OLAH: variants seen among roughly 807,000 people sequenced by gnomAD.
OLAH encodes the protein S-acyl fatty acid synthase thioesterase, medium chain.
A neutral mutation model predicts 27.8 loss-of-function variants in OLAH; 33 were observed. The observed-to-expected ratio is 1.19, with a 90% CI of 0.90 to 1.59. The LOEUF is 1.59. Among genes scored for constraint, OLAH ranks in the 40% most tolerant of loss-of-function variants. OLAH has a pLI of 0.00. For missense variants in OLAH, 359 were observed against 310.8 expected (o/e 1.16, Z -1.17); for synonymous variants, 120 against 102.9 (o/e 1.17, Z -1.01).
intron 3 of OLAH, among the ~76,000 whole-genome samples, chr10:15,055,016 G>C (rs1027478365): frequency 3.9e-5 from 6 of 152,008 alleles, no homozygotes; most frequent in Non-Finnish European, 8.8e-5. Context: ...CCAGGCTAGA[G>C]TGCAGTGGTG....
rs1167584412 is a variant in OLAH, at chr10:15,047,158, T to TA, written c.-126dup. ...AGAGGTCAATAAGAGTCAGCGCCTT[T>TA]AAAAAGAAATCTACTCACTCTTCTG... On this transcript the variant is annotated 5_prime_UTR_variant, in exon 2 of 8. Coordinates refer to ENST00000378228, the MANE Select transcript of OLAH (RefSeq NM_001039702.3). 2 of 796,922 alleles carry TA rather than the reference T, an allele frequency of 2.5e-6. No individual in the cohort carries two copies. Among genetic ancestry groups the TA allele is most frequent in the Non-Finnish European group, 3.9e-6 (2 of 516,172 alleles). The allele number at this position is 796,922 out of a possible 1,614,324, so 49.4% of individuals were successfully genotyped here. A position where few individuals can be genotyped will look rare whatever the true frequency, so the allele number is the denominator to read the frequency against.
intron 4 of OLAH, 125 bp downstream of exon 4, chr10:15,061,987 T>G: frequency 2.4e-6 from 2 of 838,932 alleles, no homozygotes; most frequent in South Asian, 5.6e-5. Flanking sequence ...TGTTAGGTAA[T>G]TATGGCCATC....
At chr10:15,048,654 C>T (rs1317802276) in intron 2 of OLAH, among the ~76,000 whole-genome samples, 1 of 152,142 alleles carries the variant, frequency 6.6e-6, no homozygotes, top group Non-Finnish European at 1.5e-5. Flanking sequence ...TGCCCATGAA[C>T]GGTTTGGATA....
At chr10:15,036,585 C>G (rs896434248) in intron 1 of OLAH, among the ~76,000 whole-genome samples, 15 of 152,116 alleles carry the variant, frequency 9.9e-5, no homozygotes, top group Non-Finnish European at 1.5e-4. Context: ...AACTCCTGGG[C>G]TCAAGACATC....
At chr10:15,037,107 C>T (rs922000593) in intron 1 of OLAH, among the ~76,000 whole-genome samples, 4 of 150,710 alleles carry the variant, frequency 2.7e-5, no homozygotes, top group Non-Finnish European at 4.4e-5. Context: ...AACAAACAAA[C>T]AAACAGTCTT....
chr10:15,055,787 G>A (rs1844233786), intron 3 of OLAH, among the ~76,000 whole-genome samples: 1 of 151,824 alleles, frequency 6.6e-6, no homozygotes, highest in Non-Finnish European at 1.5e-5. Flanking sequence ...CTCCATTTAT[G>A]GCCTCCTCAA....
upstream of OLAH, among the ~76,000 whole-genome samples, chr10:15,039,705 A>AT (rs1843892778): frequency 6.6e-6 from 1 of 152,202 alleles, no homozygotes; most frequent in Non-Finnish European, 1.5e-5. Context: ...GCCTGTCTGT[A>AT]TTTTAGCTAA....
upstream of OLAH, among the ~76,000 whole-genome samples, chr10:15,041,139 C>T (rs180824049): frequency 5.9e-5 from 9 of 152,300 alleles, no homozygotes; most frequent in African/African-American, 2.2e-4. Flanking sequence ...TGTGCTTTTC[C>T]CACAGGCAAA....
chr10:15,043,866 T>C (rs1843965341), upstream of OLAH: 1 of 152,230 alleles, frequency 6.6e-6, no homozygotes, highest in South Asian at 2.1e-4. Flanking sequence ...CTTTGTTGTT[T>C]TCATTGTTCT....
chr10:15,036,231 CTCATGCCTGTAATCCTAGCACT>C (rs1843838699), intron 1 of OLAH, among the ~76,000 whole-genome samples: 2 of 152,108 alleles, frequency 1.3e-5, no homozygotes, highest in African/African-American at 2.4e-5. Flanking sequence ...GGCGTGGTGA[CTCATGCCTGTAATCCTAGCACT>C]TTGGGATTCC....
intron 6 of OLAH, among the ~76,000 whole-genome samples, chr10:15,068,257 ATAAAT>A (rs1461440011): frequency 6.6e-6 from 1 of 152,166 alleles, no homozygotes; most frequent in Non-Finnish European, 1.5e-5. Context: ...AAATCTGTTG[ATAAAT>A]TAATCCTATG....
At chr10:15,064,282 C>G (rs7075914) in intron 4 of OLAH, 121 bp from the exon 5 acceptor site, 75,564 of 624,334 alleles carry the variant, frequency 0.12, 5,514 homozygotes, top group East Asian at 0.27. Context: ...TCAACTCACA[C>G]TTTCCTTTCA....
intron 1 of OLAH, among the ~76,000 whole-genome samples, chr10:15,032,731 T>A (rs1019988370): frequency 1.3e-5 from 2 of 151,670 alleles, no homozygotes; most frequent in African/African-American, 4.8e-5. Context: ...GGCCAGGAGG[T>A]GATTTCCGAA....
chr10:15,041,876 C>T (rs201850089), upstream of OLAH, among the ~76,000 whole-genome samples: 182 of 152,116 alleles, frequency 1.2e-3, 4 homozygotes, highest in East Asian at 0.029. Flanking sequence ...CGCAACTGGC[C>T]CACACCTTTG....
At position 15,065,705 on chromosome 10, in the gene OLAH, A is replaced by G. The variant is rs1284606559; in HGVS notation, c.524A>G (p.Gln175Arg). 1 of 1,614,152 alleles carries G rather than the reference A, an allele frequency of 6.2e-7. No homozygotes were observed. Among genetic ancestry groups the G allele is most frequent in the East Asian group, 2.2e-5 (1 of 44,888 alleles). The change falls in exon 6 of 8, where the codon CAA becomes CGA. Residue 175 changes from glutamine to arginine, a missense_variant. Gln to Arg is a conservative substitution (Grantham distance 43, BLOSUM62 1). Coordinates refer to ENST00000378228, the MANE Select transcript of OLAH (RefSeq NM_001039702.3). ...HFAEAKEFVK[Q>R]CSPIIRADLN... ...GCTGAAGCCAAGGAATTTGTGAAAC[A>G]ATGTAGTCCCATCATAAGGGCAGAT... is the stretch of plus-strand genomic sequence containing the variant.
At chr10:15,049,108 T>TG (rs1470401141) in intron 2 of OLAH, among the ~76,000 whole-genome samples, 1 of 142,102 alleles carries the variant, frequency 7.0e-6, no homozygotes, top group Admixed American at 7.1e-5. Context: ...GTCTTTTTTT[T>TG]TTTTTTTTTT....
At chr10:15,040,972 T>C (rs1843910004), upstream of OLAH, among the ~76,000 whole-genome samples, 1 of 152,204 alleles carries the variant, frequency 6.6e-6, no homozygotes, top group Admixed American at 6.5e-5. Context: ...ACTCATCTGA[T>C]CAGTTTACCT....
At chr10:15,038,133 G>A (rs1843870073) in intron 1 of OLAH, among the ~76,000 whole-genome samples, 1 of 152,192 alleles carries the variant, frequency 6.6e-6, no homozygotes, top group Non-Finnish European at 1.5e-5. Context: ...ACTGGCATGG[G>A]GCCTGTAGCC....
chr10:15,049,011 G>A (rs1007328719), intron 2 of OLAH, among the ~76,000 whole-genome samples: 6 of 151,642 alleles, frequency 4.0e-5, no homozygotes, highest in South Asian at 4.2e-4. Flanking sequence ...GCTGACGCAG[G>A]AGAATCACTT....
Sources: gnomAD v4.1 joint callset for allele counts (sites outside exome capture counted in the v4.1 genomes callset) on GRCh38, gnomAD v4.1.1 for gene constraint, MANE v1.5 for transcripts, NCBI Gene and HGNC (gene_info 2026-07-23, HGNC 2026-07-21) for gene names.